CCDC90B: variants seen among roughly 807,000 people sequenced by gnomAD.
CCDC90B encodes coiled-coil domain containing 90B, also known as coiled-coil domain-containing protein 90B, mitochondrial.
CCDC90B carries 24 observed loss-of-function variants against 37.0 expected under a neutral mutation model. The observed-to-expected ratio is 0.65, with a 90% CI of 0.47 to 0.91. The LOEUF is 0.91. CCDC90B is among the 40% of genes least tolerant of loss of function. The pLI, the probability that CCDC90B is intolerant of heterozygous loss-of-function variation, is 0.00. For synonymous variants in CCDC90B, 113 were observed against 101.1 expected, an observed-to-expected ratio of 1.12 and a Z score of -0.71; for missense variants, 319 against 299.0, an observed-to-expected ratio of 1.07 and a Z score of -0.49.
intron 8 of CCDC90B, among the ~76,000 whole-genome samples, chr11:83,262,311 A>G (rs1863974995): frequency 6.6e-6 from 1 of 152,188 alleles, no homozygotes; most frequent in Non-Finnish European, 1.5e-5. Flanking sequence ...CTTATATTAA[A>G]AAATTACGTA....
In CCDC90B at chr11:83,286,261, C is replaced by A. The variant is rs1865688117; in HGVS notation, c.-289G>T. ...AGGAAAGCGAGATCTTGTCAGAGAA[C>A]CTTCCGGCGCCTGTTTCCTGGCAGT... is the stretch of plus-strand genomic sequence containing the variant. On this transcript the variant is annotated 5_prime_UTR_variant, in exon 1 of 9. Transcript: ENST00000529689. 2 of 1,403,374 alleles carry A rather than the reference C, an allele frequency of 1.4e-6. No individual in the cohort carries two copies. Among genetic ancestry groups the A allele is most frequent in the African/African-American group, 1.4e-5 (1 of 70,050 alleles). The allele number at this position is 1,403,374 out of a possible 1,614,324, so 86.9% of individuals were successfully genotyped here. A position where few individuals can be genotyped will look rare whatever the true frequency, so the allele number is the denominator to read the frequency against.
At chr11:83,267,703 G>A (rs1864371994) in intron 7 of CCDC90B, among the ~76,000 whole-genome samples, 1 of 152,162 alleles carries the variant, frequency 6.6e-6, no homozygotes, top group Non-Finnish European at 1.5e-5. Context: ...TTATCCAGGA[G>A]AACTTCCCCA....
chr11:83,284,425 G>A (rs969161689), intron 1 of CCDC90B, among the ~76,000 whole-genome samples: 9 of 152,154 alleles, frequency 5.9e-5, no homozygotes, highest in African/African-American at 1.7e-4. Context: ...TCAGTGTATA[G>A]CCAGTTACTT....
chr11:83,272,843 C>G lies in CCDC90B; in HGVS notation c.594+804G>C, dbSNP rs377029603. 6.7e-4 allele frequency among the ~76,000 whole-genome samples: 102 copies of G among 152,268 alleles called. 2 individuals are homozygous for G. The South Asian group carries it at 0.016, about 24-fold the overall frequency. The stretch of plus-strand genomic sequence containing the variant: ...GGCTGAGTCAGAAAGCTGGGTTTTA[C>G]TCAAGCCACAGAGATGAAGTCATGA... On this transcript the variant is annotated intron_variant, in intron 7 of 8. Transcript: ENST00000529689.
At position 83,261,873 on chromosome 11, in the gene CCDC90B, C is replaced by G. The variant is rs187174441; in HGVS notation, c.*38G>C. 6.0e-6 allele frequency: 9 copies of G among 1,495,598 alleles called. No individual in the cohort carries two copies. The highest frequency in any genetic ancestry group is 1.7e-4 in the Middle Eastern group (1 of 5,772). 92.6% of individuals were successfully genotyped at this position (1,495,598 alleles called of 1,614,324 possible). ...AGTAAATCTCTCCCGGTTTGGTGTT[C>G]TAAGAAGCCAACAGCCACAGCAGGA... On this transcript the variant is annotated 3_prime_UTR_variant, in exon 9 of 9. Coordinates refer to ENST00000529689, the MANE Select transcript of CCDC90B (RefSeq NM_021825.5).
At chr11:83,285,368 A>G (rs1865619347) in intron 1 of CCDC90B, 6 of 1,167,390 alleles carry the variant, frequency 5.1e-6, no homozygotes, top group Non-Finnish European at 6.4e-6. Context: ...GTATTCACTT[A>G]TTTTCCCAAA....
chr11:83,266,979 T>G (rs1864318873), intron 7 of CCDC90B: 1 of 152,158 alleles, frequency 6.6e-6, no homozygotes, highest in South Asian at 2.1e-4. Flanking sequence ...GGGTCTGGAG[T>G]GGACCTCCAG....
rs985138395 is a variant in CCDC90B, at chr11:83,286,339, C to G, written c.-367G>C. ...CAAGATAGCCAGCGGCCATTACGCGCTTGGGTCGGGGGAGATGGAGTCGCA... is the reference window on the plus strand; with the variant it reads ...CAAGATAGCCAGCGGCCATTACGCGGTTGGGTCGGGGGAGATGGAGTCGCA... On this transcript the variant is annotated 5_prime_UTR_variant, in exon 1 of 9. Coordinates refer to ENST00000529689, the MANE Select transcript of CCDC90B (RefSeq NM_021825.5). The G allele has an allele frequency of 5.4e-6, 4 of 747,470 alleles. No homozygotes were observed. The highest frequency in any genetic ancestry group is 1.8e-5 in the African/African-American group (1 of 56,732). The allele number at this position is 747,470 out of a possible 1,614,324, so 46.3% of individuals were successfully genotyped here.
intron 2 of CCDC90B, among the ~76,000 whole-genome samples, chr11:83,279,289 CAAAA>C (rs1220702849): frequency 6.9e-6 from 1 of 143,916 alleles, no homozygotes; most frequent in South Asian, 2.2e-4. Flanking sequence ...TCAAAAAAAA[CAAAA>C]AAAAAACAAA....
Position 83,267,398 on chromosome 11 carries a change from A to C in CCDC90B, c.595-1419T>G, listed in dbSNP as rs1176697640. On this transcript the variant is annotated intron_variant, in intron 7 of 8. Transcript: ENST00000529689. ...GATTAGACGAATGGCTAACTAGAAT[A>C]AACAGTGTAGAGAAGACCTTAAATG... The C allele has an allele frequency of 2.6e-5, 4 of 152,234 alleles. No homozygotes were observed. The East Asian group carries it at 7.7e-4, about 29-fold the overall frequency. 9.4% of individuals were successfully genotyped at this position (152,234 alleles called of 1,614,324 possible). A position where few individuals can be genotyped will look rare whatever the true frequency, so the allele number is the denominator to read the frequency against.
intron 2 of CCDC90B, among the ~76,000 whole-genome samples, chr11:83,279,643 A>AGTC (rs1865268947): frequency 1.3e-5 from 2 of 152,260 alleles, no homozygotes; most frequent in South Asian, 4.1e-4. Context: ...CCCAGTGGCT[A>AGTC]GTCACTTATT....
intron 3 of CCDC90B, among the ~76,000 whole-genome samples, chr11:83,275,041 T>C (rs1265401815): frequency 6.6e-6 from 1 of 152,186 alleles, no homozygotes; most frequent in East Asian, 1.9e-4. Context: ...GTTTTGTTCT[T>C]ATTTTTTGAA....
chr11:83,266,386 G>A (rs1318843842), intron 7 of CCDC90B, among the ~76,000 whole-genome samples: 43 of 152,254 alleles, frequency 2.8e-4, no homozygotes, highest in Admixed American at 2.8e-3. Context: ...CTGGAAAAAT[G>A]GGACACTCCT....
intron 7 of CCDC90B, chr11:83,273,420 C>T: frequency 2.9e-6 from 1 of 345,714 alleles, no homozygotes; most frequent in East Asian, 4.4e-5. Context: ...TAAAAAAGCA[C>T]ACTATGTGGA....
At position 83,265,274 on chromosome 11, in the gene CCDC90B, T is replaced by C. The variant is rs139477404; in HGVS notation, c.709+591A>G. On this transcript the variant is annotated intron_variant, in intron 8 of 8. Transcript: ENST00000529689. ...TAATCTAATTTTGGGATAGTGTCTA[T>C]GCTGAATCAGTTGATTCAAGGTAAG... Among the ~76,000 whole-genome samples, 659 of 152,312 alleles carry C rather than the reference T, an allele frequency of 4.3e-3. 8 individuals carry two copies. Among genetic ancestry groups the C allele is most frequent in the African/African-American group, 0.015 (615 of 41,568 alleles).
At chr11:83,284,510 A>T (rs1865568755) in intron 1 of CCDC90B, among the ~76,000 whole-genome samples, 1 of 152,364 alleles carries the variant, frequency 6.6e-6, no homozygotes, top group South Asian at 2.1e-4. Context: ...GTGCTACACT[A>T]GTTGCACTAG....
rs1242992942 is a variant in CCDC90B, at chr11:83,260,756, T to C, written c.*1155A>G. 1 of 152,238 alleles carries C rather than the reference T, an allele frequency of 6.6e-6. No homozygotes were observed. The highest frequency in any genetic ancestry group is 2.4e-5 in the African/African-American group (1 of 41,470). The allele number at this position is 152,238 out of a possible 1,614,324, so 9.4% of individuals were successfully genotyped here. A position where few individuals can be genotyped will look rare whatever the true frequency, so the allele number is the denominator to read the frequency against. ...CTGAAGAACTAAGATGAAAAGGATA[T>C]TTTAAAATTTCTTTGAAATTACATA... is the stretch of plus-strand genomic sequence containing the variant. On this transcript the variant is annotated 3_prime_UTR_variant, in exon 9 of 9. Coordinates refer to ENST00000529689, the MANE Select transcript of CCDC90B (RefSeq NM_021825.5).
intron 7 of CCDC90B, among the ~76,000 whole-genome samples, chr11:83,266,422 G>C (rs535342474): frequency 6.6e-6 from 1 of 152,336 alleles, no homozygotes; most frequent in Admixed American, 6.5e-5. Context: ...TTTTCCCAAG[G>C]TCTTAGCAAC....
rs1236788567 is a variant in CCDC90B at position 83,261,866 on chromosome 11, T to G, written c.*45A>C. On this transcript the variant is annotated 3_prime_UTR_variant, in exon 9 of 9. Coordinates refer to ENST00000529689, the MANE Select transcript of CCDC90B (RefSeq NM_021825.5). ...TGTTCAAAGTAAATCTCTCCCGGTT[T>G]GGTGTTCTAAGAAGCCAACAGCCAC... The G allele has an allele frequency of 1.5e-6, 2 of 1,376,034 alleles. No homozygotes were observed. The allele number at this position is 1,376,034 out of a possible 1,614,324, so 85.2% of individuals were successfully genotyped here.
Sources: allele counts gnomAD v4.1 joint callset (sites outside exome capture counted in the v4.1 genomes callset), GRCh38; gene constraint gnomAD v4.1.1; transcripts MANE v1.5; gene names NCBI Gene and HGNC (gene_info 2026-07-23, HGNC 2026-07-21).